Variants in TAF3 observed in about 807,000 individuals in gnomAD.
TAF3 encodes transcription initiation factor TFIID subunit 3.
In TAF3, 7 loss-of-function variants were observed where a neutral mutation model predicts 80.6. That is an observed-to-expected ratio of 0.09 (90% CI 0.05 to 0.16). The LOEUF (loss-of-function observed/expected upper bound fraction) is 0.16. Ranked by LOEUF, TAF3 falls within the 10% of genes least tolerant of loss-of-function variation. The pLI, the probability that TAF3 is intolerant of heterozygous loss-of-function variation, is 1.00. For missense variants in TAF3, 921 were observed against 1,140.2 expected, an observed-to-expected ratio of 0.81 and a Z score of 2.77; for synonymous variants, 444 against 446.1, an observed-to-expected ratio of 1.00 and a Z score of 0.06.
At position 8,016,426 on chromosome 10, in the gene TAF3, C is replaced by T. The variant is rs762192470; in HGVS notation, c.*1675C>T. On this transcript the variant is annotated 3_prime_UTR_variant, in exon 7 of 7. Transcript: ENST00000344293. Reference sequence around the variant, plus strand: ...TCGGAGCACAGGGTGTCATTGCCCTCGTTGTTCAAGAGGCCAGAATTTTTC... The same window carrying T: ...TCGGAGCACAGGGTGTCATTGCCCTTGTTGTTCAAGAGGCCAGAATTTTTC... 7 of 152,104 alleles carry T rather than the reference C, an allele frequency of 4.6e-5. No individual in the cohort carries two copies. The highest frequency in any genetic ancestry group is 7.2e-5 in the African/African-American group (3 of 41,396). 9.4% of individuals were successfully genotyped at this position (152,104 alleles called of 1,614,324 possible).
intron 2 of TAF3, among the ~76,000 whole-genome samples, chr10:7,832,295 G>A (rs1297600401): frequency 6.6e-6 from 1 of 152,086 alleles, no homozygotes; most frequent in Non-Finnish European, 1.5e-5. Flanking sequence ...CATGTGGTAT[G>A]TCTCCTTCTG....
chr10:7,878,850 C>T (rs1343025719), intron 2 of TAF3, among the ~76,000 whole-genome samples: 1 of 152,024 alleles, frequency 6.6e-6, no homozygotes, highest in African/African-American at 2.4e-5. Flanking sequence ...GTCTCAGCCT[C>T]CTAAGTAGCT....
chr10:7,869,560 TTTAACAGTGCTTTTA>T (rs1837246052), intron 2 of TAF3, among the ~76,000 whole-genome samples: 1 of 152,228 alleles, frequency 6.6e-6, no homozygotes, highest in African/African-American at 2.4e-5. Context: ...TTTTCACTAT[TTTAACAGTGCTTTTA>T]TTAACATTCT....
At chr10:7,886,115 G>C (rs555938682) in intron 2 of TAF3, among the ~76,000 whole-genome samples, 7 of 151,812 alleles carry the variant, frequency 4.6e-5, no homozygotes, top group East Asian at 1.9e-4. Flanking sequence ...GTAGAGATGT[G>C]GGGGGGTCTC....
chr10:7,852,801 T>TA (rs1379413936), intron 2 of TAF3, among the ~76,000 whole-genome samples: 23 of 152,266 alleles, frequency 1.5e-4, no homozygotes, highest in Admixed American at 1.4e-3. Context: ...AGAAACTTCC[T>TA]ATCATCTACT....
intron 1 of TAF3, among the ~76,000 whole-genome samples, chr10:7,823,791 C>T (rs375908453): frequency 5.9e-5 from 9 of 152,098 alleles, no homozygotes; most frequent in Admixed American, 2.6e-4. Context: ...TGCGCCACCA[C>T]GCCCGGCTAA....
At chr10:7,928,833 ACTT>A (rs1449447751) in intron 2 of TAF3, among the ~76,000 whole-genome samples, 5 of 152,132 alleles carry the variant, frequency 3.3e-5, no homozygotes, top group Non-Finnish European at 7.4e-5. Flanking sequence ...AAATACCGAG[ACTT>A]CTTGAAGACT....
At chr10:7,890,436 A>G (rs931640188) in intron 2 of TAF3, among the ~76,000 whole-genome samples, 1 of 152,232 alleles carries the variant, frequency 6.6e-6, no homozygotes, top group African/African-American at 2.4e-5. Context: ...CTCTTATCCT[A>G]TTAGAGTTGG....
chr10:7,881,649 A>G (rs933520962), intron 2 of TAF3, among the ~76,000 whole-genome samples: 1 of 152,194 alleles, frequency 6.6e-6, no homozygotes, highest in Non-Finnish European at 1.5e-5. Context: ...GAAATTTGAT[A>G]GAGTAACAAT....
chr10:7,895,643 G>A (rs972557934), intron 2 of TAF3, among the ~76,000 whole-genome samples: 1 of 152,106 alleles, frequency 6.6e-6, no homozygotes, highest in Admixed American at 6.5e-5. Context: ...TGGGAAATTG[G>A]GGCATGATTC....
At chr10:7,823,821 G>T (rs1337842757) in intron 1 of TAF3, among the ~76,000 whole-genome samples, 4 of 151,956 alleles carry the variant, frequency 2.6e-5, no homozygotes, top group Non-Finnish European at 5.9e-5. Context: ...TTTTAGTAGA[G>T]ACGGGGTTTC....
intron 2 of TAF3, among the ~76,000 whole-genome samples, chr10:7,962,409 C>T (rs900870293): frequency 1.3e-5 from 2 of 152,144 alleles, no homozygotes; most frequent in Non-Finnish European, 2.9e-5. Flanking sequence ...CCAACACATA[C>T]CCCACACGTT....
At chr10:8,010,151 C>T (rs914177788) in intron 5 of TAF3, among the ~76,000 whole-genome samples, 6 of 152,152 alleles carry the variant, frequency 3.9e-5, no homozygotes, top group Admixed American at 6.5e-5. Flanking sequence ...CAGCAATCCA[C>T]CCATTTCTGC....
intron 2 of TAF3, among the ~76,000 whole-genome samples, chr10:7,886,870 T>A (rs545369053): frequency 6.6e-6 from 1 of 152,234 alleles, no homozygotes; most frequent in African/African-American, 2.4e-5. Flanking sequence ...ATTGGAAAAA[T>A]TTTAAATACC....
intron 4 of TAF3, among the ~76,000 whole-genome samples, chr10:7,994,993 A>G (rs1262686175): frequency 6.6e-6 from 1 of 151,180 alleles, no homozygotes; most frequent in Admixed American, 6.6e-5. Context: ...AAAAAAAAAA[A>G]AAGAAAAAAG....
chr10:7,831,910 A>G (rs954374393), intron 2 of TAF3, among the ~76,000 whole-genome samples: 1 of 150,888 alleles, frequency 6.6e-6, no homozygotes, highest in African/African-American at 2.4e-5. Flanking sequence ...TTTAATTATA[A>G]AATTTCAGGT....
chr10:7,884,994 G>GT (rs71505470), intron 2 of TAF3, among the ~76,000 whole-genome samples: 141 of 146,976 alleles, frequency 9.6e-4, no homozygotes, highest in Middle Eastern at 3.5e-3. Flanking sequence ...TTTTTGTTCA[G>GT]TTTTTTTTTT....
At chr10:7,877,418 C>T (rs1467824881) in intron 2 of TAF3, among the ~76,000 whole-genome samples, 1 of 152,002 alleles carries the variant, frequency 6.6e-6, no homozygotes, top group Non-Finnish European at 1.5e-5. Context: ...TTTCTTAGCC[C>T]AGAATAGCCC....
In TAF3 at chr10:7,906,310, C is replaced by T. The variant is rs144693973; in HGVS notation, c.410-57610C>T. On this transcript the variant is annotated intron_variant, in intron 2 of 6. Coordinates refer to ENST00000344293, the MANE Select transcript of TAF3 (RefSeq NM_031923.4). ...GTAAAACAAACAAGATATCTGATAA[C>T]GCCCACATTTAAATAGAGCAGGACT... Among the ~76,000 whole-genome samples the T allele has an allele frequency of 1.1e-3, 161 of 152,298 alleles. 3 individuals carry two copies. The South Asian group carries it at 0.014, about 14-fold the overall frequency.
Sources: gnomAD v4.1 joint callset for allele counts (sites outside exome capture counted in the v4.1 genomes callset) on GRCh38, gnomAD v4.1.1 for gene constraint, MANE v1.5 for transcripts, NCBI Gene and HGNC (gene_info 2026-07-23, HGNC 2026-07-21) for gene names.